TRIM37: variants seen among roughly 807,000 people sequenced by gnomAD.
TRIM37 encodes E3 ubiquitin-protein ligase TRIM37.
A neutral mutation model predicts 129.8 loss-of-function variants in TRIM37; 80 were observed. The observed-to-expected ratio is 0.62, with a 90% CI of 0.51 to 0.74. The LOEUF (loss-of-function observed/expected upper bound fraction) is 0.74. TRIM37 is among the 30% of genes least tolerant of loss of function. The pLI, the probability that TRIM37 is intolerant of heterozygous loss-of-function variation, is 0.00. For synonymous variants in TRIM37, 389 were observed against 387.1 expected (o/e 1.00, Z -0.06); for missense variants, 1,054 against 1,176.5 (o/e 0.90, Z 1.52).
chr17:59,032,219 A>G (rs1346158862), intron 17 of TRIM37, 129 bp from the exon 18 acceptor site: 2 of 1,077,582 alleles, frequency 1.9e-6, no homozygotes, highest in Non-Finnish European at 2.8e-6. Context: ...CAGGTTCATG[A>G]TAAGAAGCAG....
intron 22 of TRIM37, among the ~76,000 whole-genome samples, chr17:59,005,672 G>A (rs2034389624): frequency 6.6e-6 from 1 of 152,156 alleles, no homozygotes. Flanking sequence ...CTGCATGTGG[G>A]TATTACTGGG....
chr17:59,069,202 C>T (rs2042164457), intron 9 of TRIM37, among the ~76,000 whole-genome samples: 1 of 151,862 alleles, frequency 6.6e-6, no homozygotes, highest in Non-Finnish European at 1.5e-5. Flanking sequence ...CAAAACTTAG[C>T]TGGGCGTGGT....
At chr17:59,098,062 A>C (rs1256370837) in intron 2 of TRIM37, among the ~76,000 whole-genome samples, 1 of 152,228 alleles carries the variant, frequency 6.6e-6, no homozygotes, top group Admixed American at 6.5e-5. Context: ...TACAGTAATC[A>C]AAACAGTGTG....
intron 10 of TRIM37, 44 bp from the exon 11 acceptor site, chr17:59,062,692 T>G (rs2041598017): frequency 6.5e-7 from 1 of 1,540,374 alleles, no homozygotes; most frequent in South Asian, 1.1e-5. Flanking sequence ...TCAAAACTGT[T>G]GTGAAATGGC....
chr17:59,068,354 G>C (rs540754165), intron 9 of TRIM37, among the ~76,000 whole-genome samples: 1 of 152,186 alleles, frequency 6.6e-6, no homozygotes, highest in Non-Finnish European at 1.5e-5. Context: ...TGGGGACATT[G>C]GCCTGGGAAT....
At chr17:59,084,739 G>A (rs1240404657) in intron 4 of TRIM37, among the ~76,000 whole-genome samples, 2 of 152,138 alleles carry the variant, frequency 1.3e-5, no homozygotes, top group Non-Finnish European at 2.9e-5. Flanking sequence ...CACAAGGGCA[G>A]GACCCAAATC....
intron 2 of TRIM37, among the ~76,000 whole-genome samples, chr17:59,099,273 T>A (rs2045227840): frequency 1.3e-5 from 2 of 152,182 alleles, no homozygotes; most frequent in Admixed American, 6.5e-5. Context: ...ATGGACCGCA[T>A]ATACTACAGT....
At chr17:59,011,217 A>G (rs1363237074) in intron 22 of TRIM37, among the ~76,000 whole-genome samples, 1 of 151,908 alleles carries the variant, frequency 6.6e-6, no homozygotes, top group Admixed American at 6.6e-5. Flanking sequence ...CCACAGGCCC[A>G]TTCTATAAAG....
chr17:59,041,788 G>A lies in TRIM37; in HGVS notation c.1753+25C>T. ...GAGCAGAGAGAAAACAGAATGGCTT[G>A]GAGGCAGTGGAGTGACCTCATTACC... On this transcript the variant is annotated intron_variant, in intron 17 of 23. Transcript: ENST00000262294. 1.9e-6 allele frequency: 3 copies of A among 1,560,836 alleles called. No homozygotes were observed. The South Asian group carries it at 3.3e-5, about 17-fold the overall frequency.
intron 13 of TRIM37, among the ~76,000 whole-genome samples, chr17:59,052,310 T>C (rs1036625792): frequency 3.3e-5 from 5 of 151,902 alleles, no homozygotes; most frequent in African/African-American, 1.2e-4. Context: ...TTGCAGTGCA[T>C]GTGTGAAGGT....
chr17:59,031,882 T>C lies in TRIM37; in HGVS notation c.1948+14A>G, dbSNP rs377469023. 4 of 1,612,452 alleles carry C rather than the reference T, an allele frequency of 2.5e-6. No homozygotes were observed. The highest frequency in any genetic ancestry group is 3.4e-6 in the Non-Finnish European group (4 of 1,179,384). On this transcript the variant is annotated intron_variant, in intron 18 of 23. Transcript: ENST00000262294. ...CCACAGAAAAAAAGGAAATTATCAT[T>C]GTTATTATTTTACCTGTGGGCTGCA... is the stretch of plus-strand genomic sequence containing the variant.
intron 2 of TRIM37, among the ~76,000 whole-genome samples, chr17:59,092,247 G>T (rs567980604): frequency 1.3e-5 from 2 of 151,846 alleles, no homozygotes; most frequent in South Asian, 4.2e-4. Context: ...ACAAAAATTA[G>T]CCAGGCATGG....
At chr17:59,007,158 AAC>A (rs540872393) in intron 22 of TRIM37, among the ~76,000 whole-genome samples, 810 of 8,336 alleles carry the variant, frequency 0.097, 41 homozygotes, top group Middle Eastern at 0.5. Context: ...CCCACCCTCC[AAC>A]ACACACACAC....
exon 25 of TRIM37, chr17:58,982,719 C>T (rs1431858002): frequency 1.2e-5 from 6 of 514,944 alleles, no homozygotes; most frequent in Admixed American, 3.4e-5. Flanking sequence ...TATTTGTTTT[C>T]TCTTGATTTT....
the TRIM37 span, among the ~76,000 whole-genome samples, chr17:58,967,841 G>C: frequency 1.3e-4 from 19 of 144,794 alleles, no homozygotes; most frequent in Non-Finnish European, 2.5e-4. Flanking sequence ...CGCTCGCTCT[G>C]TCTCCAGGCT....
intron 19 of TRIM37, 104 bp from the exon 20 acceptor site, chr17:59,017,528 T>C: frequency 6.8e-7 from 1 of 1,478,280 alleles, no homozygotes; most frequent in South Asian, 1.2e-5. Context: ...TGGAAGCTGT[T>C]CTCTCTACTG....
chr17:59,102,307 A>T (rs1320810666), intron 2 of TRIM37, among the ~76,000 whole-genome samples: 1 of 152,218 alleles, frequency 6.6e-6, no homozygotes, highest in African/African-American at 2.4e-5. Context: ...ATGAAAAAAT[A>T]CAGAATCAAT....
intron 24 of TRIM37, among the ~76,000 whole-genome samples, chr17:58,986,281 C>A (rs915009657): frequency 1.3e-5 from 2 of 152,026 alleles, no homozygotes; most frequent in East Asian, 3.9e-4. Context: ...TCACCACAAC[C>A]TCTGCCTCCC....
At chr17:58,983,769 A>G (rs1206805488) in intron 24 of TRIM37, 1 of 152,574 alleles carries the variant, frequency 6.6e-6, no homozygotes, top group Non-Finnish European at 1.5e-5. Flanking sequence ...CCCTTTTTCA[A>G]TTTAACATGG....
Sources: gnomAD v4.1 joint callset for allele counts (sites outside exome capture counted in the v4.1 genomes callset) on GRCh38, gnomAD v4.1.1 for gene constraint, MANE v1.5 for transcripts, NCBI Gene and HGNC (gene_info 2026-07-23, HGNC 2026-07-21) for gene names.